The following PURG variants were observed in gnomAD, a reference collection of about 807,000 sequenced individuals.
PURG encodes purine rich element binding protein G, also known as purine-rich element-binding protein gamma.
In PURG, 3 loss-of-function variants were observed where a neutral mutation model predicts 24.3. That is an observed-to-expected ratio of 0.12 (90% confidence interval 0.06 to 0.32). PURG has a LOEUF of 0.32. Ranked by LOEUF, PURG falls within the 10% of genes least tolerant of loss-of-function variation. The pLI is 1.00. For synonymous variants in PURG, 180 were observed against 173.1 expected, an observed-to-expected ratio of 1.04 and a Z score of -0.31; for missense variants, 371 against 439.1, an observed-to-expected ratio of 0.84 and a Z score of 1.39.
chr8:31,033,249 G>A lies in PURG; in HGVS notation c.-178C>T, dbSNP rs923317706. ...GAGCAGCCGGGCAGGGGCATCGCCCGCGGCGCCCACCGCAGCCGCCCCTCC... is the reference window on the plus strand; with the variant it reads ...GAGCAGCCGGGCAGGGGCATCGCCCACGGCGCCCACCGCAGCCGCCCCTCC... On this transcript the variant is annotated 5_prime_UTR_variant, in exon 1 of 2. Transcript: ENST00000523392. The A allele has an allele frequency of 8.7e-5, 15 of 171,524 alleles. No homozygotes were observed. Among genetic ancestry groups the A allele is most frequent in the African/African-American group, 3.4e-4 (14 of 41,588 alleles). The allele number at this position is 171,524 out of a possible 1,614,324, so 10.6% of individuals were successfully genotyped here. A position where few individuals can be genotyped will look rare whatever the true frequency, so the allele number is the denominator to read the frequency against.
intron 1 of PURG, among the ~76,000 whole-genome samples, chr8:31,018,284 A>C (rs1410641634): frequency 6.6e-6 from 1 of 152,224 alleles, no homozygotes; most frequent in Non-Finnish European, 1.5e-5. Flanking sequence ...GAAGGCCTGA[A>C]GGCAAAAGTT....
chr8:31,012,339 A>G (rs1176896887), intron 1 of PURG, among the ~76,000 whole-genome samples: 1 of 152,188 alleles, frequency 6.6e-6, no homozygotes, highest in African/African-American at 2.4e-5. Flanking sequence ...CTTATTGATT[A>G]TATATATAAT....
At chr8:31,025,341 A>G (rs1214562116) in intron 1 of PURG, among the ~76,000 whole-genome samples, 2 of 151,950 alleles carry the variant, frequency 1.3e-5, no homozygotes, top group Non-Finnish European at 2.9e-5. Flanking sequence ...AAATAAAGGG[A>G]GCAAACTTTT....
intron 1 of PURG, among the ~76,000 whole-genome samples, chr8:31,023,947 A>G (rs1811046357): frequency 6.6e-6 from 1 of 152,204 alleles, no homozygotes; most frequent in Admixed American, 6.5e-5. Flanking sequence ...TTCCTTTGCC[A>G]TGCAGAATAT....
rs1311927652 is a variant in PURG at position 31,032,172 on chromosome 8, C to G, written c.611G>C (p.Arg204Pro). The G allele has an allele frequency of 6.2e-7, 1 of 1,614,158 alleles. No individual in the cohort carries two copies. Among genetic ancestry groups the G allele is most frequent in the Non-Finnish European group, 8.5e-7 (1 of 1,180,018 alleles). ...RFLRIRQTMM[R>P]GTGMIGYFGH... ...AAAATAACCTATCATGCCAGTCCCC[C>G]GCATCATGGTTTGTCTAATCCGTAG... Residue 204 changes from arginine to proline, a missense_variant, in exon 2 of 2, where the codon CGG (arginine) becomes CCG (proline). Arg to Pro is a moderately radical substitution (Grantham distance 103, BLOSUM62 -2). Coordinates refer to ENST00000523392, the MANE Select transcript of PURG (RefSeq NM_001323311.2). This position sits in a 1 kb window ranked among gnomAD's most constrained non-coding sequence, Gnocchi z 5.9.
chr8:31,002,869 C>T (rs1810566105), intron 1 of PURG, among the ~76,000 whole-genome samples: 1 of 152,264 alleles, frequency 6.6e-6, no homozygotes, highest in African/African-American at 2.4e-5. Context: ...ATTTTTTCAT[C>T]TGGAACAAAC....
Position 31,000,756 on chromosome 8 carries a change from G to C in PURG, c.865-4059C>G, listed in dbSNP as rs150864205. On this transcript the variant is annotated intron_variant, in intron 1 of 1. Coordinates refer to the PURG transcript ENST00000339382. ...TATAAGAATGACTATATAGAAGCAT[G>C]TTAAAGACATGGCCCATTCTATAAA... Among the ~76,000 whole-genome samples, 1,313 of 152,298 alleles carry C rather than the reference G, an allele frequency of 8.6e-3. 16 individuals are homozygous for C. The highest frequency in any genetic ancestry group is 0.03 in the African/African-American group (1,245 of 41,568).
At chr8:31,018,457 G>A (rs1166464166) in intron 1 of PURG, among the ~76,000 whole-genome samples, 2 of 152,172 alleles carry the variant, frequency 1.3e-5, no homozygotes, top group African/African-American at 4.8e-5. Context: ...AATCCTTAAA[G>A]TTTGCCCTAA....
At chr8:31,026,784 G>A (rs1442131116), downstream of PURG, among the ~76,000 whole-genome samples, 1 of 150,828 alleles carries the variant, frequency 6.6e-6, no homozygotes, top group Non-Finnish European at 1.5e-5. Context: ...CTATATGTAT[G>A]TTTTTCCCTA....
chr8:31,013,221 C>T (rs1293480826), intron 1 of PURG, among the ~76,000 whole-genome samples: 1 of 152,062 alleles, frequency 6.6e-6, no homozygotes. Flanking sequence ...TGGTGATCAA[C>T]AAACCAAATC....
At position 31,019,987 on chromosome 8, in the gene PURG, A is replaced by G. The variant is rs917173845; in HGVS notation, c.864+11932T>C. ...GGAGTTCGAGACCAGCCTGGCCAACATGGCAAAACCCTGTTTCTACCAAGA... is the reference window on the plus strand; with the variant it reads ...GGAGTTCGAGACCAGCCTGGCCAACGTGGCAAAACCCTGTTTCTACCAAGA... On this transcript the variant is annotated intron_variant, in intron 1 of 1. Transcript: ENST00000339382. Among the ~76,000 whole-genome samples, 8 of 152,142 alleles carry G rather than the reference A, an allele frequency of 5.3e-5. No homozygotes were observed. The East Asian group carries it at 9.8e-4, about 19-fold the overall frequency.
intron 1 of PURG, among the ~76,000 whole-genome samples, chr8:31,014,511 A>C (rs893702864): frequency 6.6e-6 from 1 of 152,244 alleles, no homozygotes; most frequent in African/African-American, 2.4e-5. Context: ...TTACTGCCAA[A>C]GATTTTGAAA....
At chr8:31,028,806 C>G (rs1163345018), downstream of PURG, among the ~76,000 whole-genome samples, 2 of 151,868 alleles carry the variant, frequency 1.3e-5, no homozygotes, top group Admixed American at 6.5e-5. Flanking sequence ...ATACTATTAG[C>G]TTATATTACT....
rs114662554 is a variant in PURG, at chr8:31,023,685, T to C, written c.864+8234A>G. ...TAAAAAAAACCCCCAAACCATTAGA[T>C]GTTTAATCTTTGCATACCCTAGTAG... is the stretch of plus-strand genomic sequence containing the variant. On this transcript the variant is annotated intron_variant, in intron 1 of 1. Transcript: ENST00000339382. Among the ~76,000 whole-genome samples, 860 of 152,322 alleles carry C rather than the reference T, an allele frequency of 5.6e-3. 10 individuals carry two copies. Among genetic ancestry groups the C allele is most frequent in the African/African-American group, 0.02 (830 of 41,576 alleles).
At chr8:31,007,937 G>A (rs1044877515) in intron 1 of PURG, among the ~76,000 whole-genome samples, 2 of 152,112 alleles carry the variant, frequency 1.3e-5, no homozygotes, top group African/African-American at 4.8e-5. Flanking sequence ...TTTCTTAATG[G>A]TGTCTTTGGA....
Position 31,032,173 on chromosome 8 carries a change from G to C in PURG, c.610C>G (p.Arg204Gly). The change falls in exon 2 of 2, where the codon CGG (arginine) becomes GGG (glycine). Residue 204 changes from arginine to glycine, a missense_variant. Physicochemically the swap from Arg to Gly is moderately radical, Grantham distance 125. Coordinates refer to ENST00000523392, the MANE Select transcript of PURG (RefSeq NM_001323311.2). This position sits in a 1 kb window ranked among gnomAD's most constrained non-coding sequence, Gnocchi z 5.9. The stretch of plus-strand genomic sequence containing the variant: ...AAATAACCTATCATGCCAGTCCCCC[G>C]CATCATGGTTTGTCTAATCCGTAGG... ...RFLRIRQTMM[R>G]GTGMIGYFGH... 6.2e-7 allele frequency: 1 copy of C among 1,614,126 alleles called. No individual in the cohort carries two copies. Among genetic ancestry groups the C allele is most frequent in the East Asian group, 2.2e-5 (1 of 44,870 alleles).
At chr8:31,002,868 T>C (rs1355649586) in intron 1 of PURG, among the ~76,000 whole-genome samples, 3 of 152,252 alleles carry the variant, frequency 2.0e-5, no homozygotes, top group Non-Finnish European at 2.9e-5. Context: ...CATTTTTTCA[T>C]CTGGAACAAA....
At chr8:31,027,659 G>A (rs906737509), downstream of PURG, among the ~76,000 whole-genome samples, 1 of 151,550 alleles carries the variant, frequency 6.6e-6, no homozygotes, top group African/African-American at 2.4e-5. Context: ...TATTAAGGTA[G>A]GATGACTATA....
At chr8:31,010,067 G>A (rs1295964598) in intron 1 of PURG, among the ~76,000 whole-genome samples, 2 of 151,614 alleles carry the variant, frequency 1.3e-5, no homozygotes, top group Non-Finnish European at 2.9e-5. Context: ...ACTGCACTCC[G>A]GCCTGGGTGA....
Sources: allele counts gnomAD v4.1 joint callset (sites outside exome capture counted in the v4.1 genomes callset), GRCh38; gene constraint gnomAD v4.1.1; non-coding constraint Gnocchi (gnomAD v3.1); transcripts MANE v1.5; gene names NCBI Gene and HGNC (gene_info 2026-07-23, HGNC 2026-07-21).